Variants in LIN7A observed in about 807,000 individuals in gnomAD.
The protein encoded by LIN7A is protein lin-7 homolog A.
Under a neutral mutation model 29.8 loss-of-function variants are expected in LIN7A, and 25 were observed. That is an observed-to-expected ratio of 0.84 (90% CI 0.61 to 1.17). The LOEUF is 1.17. LIN7A is among the 50% of genes most tolerant of loss of function. The pLI is 0.00. For missense variants in LIN7A, 239 were observed against 287.0 expected (o/e 0.83, Z 1.21); for synonymous variants, 118 against 107.5 (o/e 1.10, Z -0.60).
At chr12:80,810,799 G>A (rs1871251634) in intron 5 of LIN7A, among the ~76,000 whole-genome samples, 1 of 152,160 alleles carries the variant, frequency 6.6e-6, no homozygotes. Flanking sequence ...GGTATGAGGT[G>A]ATATCTCATT....
At chr12:80,934,080 A>G (rs1010169634) in intron 1 of LIN7A, among the ~76,000 whole-genome samples, 1 of 152,226 alleles carries the variant, frequency 6.6e-6, no homozygotes, top group Admixed American at 6.5e-5. Flanking sequence ...CGTAAGGACC[A>G]CAAAAGCAGA....
intron 4 of LIN7A, among the ~76,000 whole-genome samples, chr12:80,825,182 G>A (rs377321398): frequency 7.2e-5 from 11 of 152,206 alleles, no homozygotes; most frequent in Admixed American, 2.6e-4. Flanking sequence ...CAGAGAATGC[G>A]TCATTGCCAG....
chr12:80,930,077 A>T (rs897967799), intron 1 of LIN7A, among the ~76,000 whole-genome samples: 2 of 152,228 alleles, frequency 1.3e-5, no homozygotes, highest in South Asian at 2.1e-4. Context: ...AAAACAAAAG[A>T]TGTTATATTG....
intron 1 of LIN7A, 173 bp downstream of exon 1, chr12:80,937,468 G>T: frequency 2.4e-6 from 1 of 419,466 alleles, no homozygotes; most frequent in Non-Finnish European, 4.2e-6. Context: ...ACGTAGCGGG[G>T]AGAGAAAGGG....
intron 4 of LIN7A, among the ~76,000 whole-genome samples, chr12:80,815,891 G>T (rs1411064202): frequency 2.6e-5 from 4 of 152,112 alleles, no homozygotes; most frequent in African/African-American, 4.8e-5. Context: ...AACAGCCTGA[G>T]GGTATATAGT....
At chr12:80,832,293 C>T (rs968028722) in intron 4 of LIN7A, among the ~76,000 whole-genome samples, 4 of 152,096 alleles carry the variant, frequency 2.6e-5, no homozygotes, top group Non-Finnish European at 5.9e-5. Context: ...TGTTCCTTTC[C>T]CAGTGCCAGA....
At chr12:80,825,245 CAGTT>C (rs950843381) in intron 4 of LIN7A, among the ~76,000 whole-genome samples, 13 of 152,110 alleles carry the variant, frequency 8.5e-5, no homozygotes, top group African/African-American at 3.1e-4. Context: ...AAGTTTGAAA[CAGTT>C]AGGTTCGAGG....
chr12:80,904,060 C>T (rs1317974287), intron 1 of LIN7A, among the ~76,000 whole-genome samples: 1 of 152,026 alleles, frequency 6.6e-6, no homozygotes, highest in Non-Finnish European at 1.5e-5. Flanking sequence ...AAGACCATCA[C>T]TAAGCTTTTG....
At chr12:80,854,382 C>T (rs1873486128) in intron 2 of LIN7A, among the ~76,000 whole-genome samples, 1 of 149,322 alleles carries the variant, frequency 6.7e-6, no homozygotes, top group South Asian at 2.1e-4. Context: ...CTAGACAAGA[C>T]TTGGCAGCAT....
At chr12:80,814,880 C>G (rs1444145997) in intron 4 of LIN7A, among the ~76,000 whole-genome samples, 2 of 152,174 alleles carry the variant, frequency 1.3e-5, no homozygotes, top group Non-Finnish European at 2.9e-5. Flanking sequence ...GCTCTACTGT[C>G]TTTCCCACCA....
At chr12:80,858,910 C>A (rs1873733998) in intron 2 of LIN7A, among the ~76,000 whole-genome samples, 1 of 152,056 alleles carries the variant, frequency 6.6e-6, no homozygotes, top group Non-Finnish European at 1.5e-5. Context: ...TATCCAGGAA[C>A]AATTAGGGAT....
chr12:80,895,458 G>A (rs1875836564), intron 1 of LIN7A, among the ~76,000 whole-genome samples: 1 of 152,266 alleles, frequency 6.6e-6, no homozygotes, highest in South Asian at 2.1e-4. Context: ...CATGGATAAT[G>A]ATGCAGCTGG....
chr12:80,935,966 C>T lies in LIN7A; in HGVS notation c.82+1675G>A, dbSNP rs144034647. 777 of 223,336 alleles carry T rather than the reference C, an allele frequency of 3.5e-3. 3 individuals are homozygous for T. Among genetic ancestry groups the T allele is most frequent in the Non-Finnish European group, 5.2e-3 (511 of 98,914 alleles). 13.8% of individuals were successfully genotyped at this position (223,336 alleles called of 1,614,324 possible). A position where few individuals can be genotyped will look rare whatever the true frequency, so the allele number is the denominator to read the frequency against. On this transcript the variant is annotated intron_variant, in intron 1 of 5. Coordinates refer to ENST00000552864, the MANE Select transcript of LIN7A (RefSeq NM_004664.4). ...TAGTAGTGGTAGTATATAAAATGAC[C>T]CAGGTATGCAATCTTCTTGGAGTTT...
chr12:80,831,855 A>G (rs1872365214), intron 4 of LIN7A, among the ~76,000 whole-genome samples: 1 of 152,222 alleles, frequency 6.6e-6, no homozygotes, highest in Non-Finnish European at 1.5e-5. Flanking sequence ...GTGCATAGCA[A>G]AATAATAATT....
At chr12:80,924,764 A>G (rs953656897) in intron 1 of LIN7A, among the ~76,000 whole-genome samples, 2 of 152,238 alleles carry the variant, frequency 1.3e-5, no homozygotes, top group African/African-American at 4.8e-5. Context: ...TACTTAGTAC[A>G]CATTTGATAT....
intron 1 of LIN7A, among the ~76,000 whole-genome samples, chr12:80,931,598 A>G (rs1877909551): frequency 6.7e-6 from 1 of 150,190 alleles, no homozygotes; most frequent in African/African-American, 2.5e-5. Flanking sequence ...AGATCACACC[A>G]CCACACTCCT....
chr12:80,833,918 A>G (rs932586559), intron 4 of LIN7A, among the ~76,000 whole-genome samples: 2 of 152,156 alleles, frequency 1.3e-5, no homozygotes, highest in African/African-American at 4.8e-5. Context: ...GTAATAGGGC[A>G]TTTCTCCTCT....
At chr12:80,821,585 A>G (rs1011402531) in intron 4 of LIN7A, among the ~76,000 whole-genome samples, 1 of 152,198 alleles carries the variant, frequency 6.6e-6, no homozygotes, top group African/African-American at 2.4e-5. Context: ...CAATGCAAAT[A>G]CATGTGATTG....
chr12:80,880,751 G>GCACA (rs202207302), intron 2 of LIN7A, among the ~76,000 whole-genome samples: 1,965 of 136,218 alleles, frequency 0.014, 27 homozygotes, highest in South Asian at 0.026. Context: ...AGGAGGCAAC[G>GCACA]CACACACACA....
Sources: allele counts gnomAD v4.1 joint callset (sites outside exome capture counted in the v4.1 genomes callset), GRCh38; gene constraint gnomAD v4.1.1; transcripts MANE v1.5; gene names NCBI Gene and HGNC (gene_info 2026-07-23, HGNC 2026-07-21).